Variants in LRRC72 observed in about 807,000 individuals in gnomAD.
LRRC72 encodes the protein leucine-rich repeat-containing protein 72.
LRRC72 carries 41 observed loss-of-function variants against 35.8 expected under a neutral mutation model. The observed-to-expected ratio is 1.15, with a 90% CI of 0.89 to 1.49. The LOEUF (loss-of-function observed/expected upper bound fraction) is 1.49. Among genes scored for constraint, LRRC72 ranks in the 40% most tolerant of loss-of-function variants. The probability of loss-of-function intolerance (pLI) is 0.00; values close to 1 mark genes in which losing one functional copy is unlikely to be tolerated. For missense variants in LRRC72, 389 were observed against 330.7 expected, an observed-to-expected ratio of 1.18 and a Z score of -1.37; for synonymous variants, 118 against 119.2, an observed-to-expected ratio of 0.99 and a Z score of 0.07.
At position 16,543,416 on chromosome 7, in the gene LRRC72, AT is replaced by A. The variant is rs897298605; in HGVS notation, c.234+5728del. Among the ~76,000 whole-genome samples, 113 of 152,154 alleles carry A rather than the reference AT, an allele frequency of 7.4e-4. 1 individual carries two copies. Among genetic ancestry groups the A allele is most frequent in the Admixed American group, 1.2e-3 (19 of 15,278 alleles). Reference sequence around the variant, plus strand: ...AAAAGGAGAAAAATAAAGGGAATGCATTTTTTTTGTTTATTCACTTATTCAA... The same window carrying A: ...AAAAGGAGAAAAATAAAGGGAATGCATTTTTTTGTTTATTCACTTATTCAA... On this transcript the variant is annotated intron_variant, in intron 3 of 8. Transcript: ENST00000401542.
At position 16,537,674 on chromosome 7, in the gene LRRC72, A is replaced by G. The variant is rs1183715645; in HGVS notation, c.212A>G (p.Tyr71Cys). Reference sequence around the variant, plus strand: ...CTTTCTAGGTTTAAAAAATTAAAATACTTATGGCTTCATCATAACAAGGTA... The same window carrying G: ...CTTTCTAGGTTTAAAAAATTAAAATGCTTATGGCTTCATCATAACAAGGTA... ...IDLSRFKKLK[Y>C]LWLHHNKLHG... Residue 71 changes from tyrosine (Y) to cysteine (C), a missense_variant, in exon 3 of 9, where the codon TAC (tyrosine) becomes TGC (cysteine). Coordinates refer to ENST00000401542, the MANE Select transcript of LRRC72 (RefSeq NM_001195280.2). 1 of 1,521,412 alleles carries G rather than the reference A, an allele frequency of 6.6e-7. No individual in the cohort carries two copies. Among genetic ancestry groups the G allele is most frequent in the African/African-American group, 1.4e-5 (1 of 71,976 alleles). 94.2% of individuals were successfully genotyped at this position (1,521,412 alleles called of 1,614,324 possible).
chr7:16,566,297 G>A lies in LRRC72; in HGVS notation c.428-16G>A. ...TTTGAAATCTGACATTTTTATTTTG[G>A]ATTCTTCATTTGCAGGTCTATACCA... On this transcript the variant is annotated splice_polypyrimidine_tract_variant and intron_variant, in intron 5 of 8. Coordinates refer to ENST00000401542, the MANE Select transcript of LRRC72 (RefSeq NM_001195280.2). 1.4e-6 allele frequency: 2 copies of A among 1,457,220 alleles called. No homozygotes were observed. Among genetic ancestry groups the A allele is most frequent in the Non-Finnish European group, 1.8e-6 (2 of 1,089,400 alleles). The allele number at this position is 1,457,220 out of a possible 1,614,324, so 90.3% of individuals were successfully genotyped here.
intron 7 of LRRC72, among the ~76,000 whole-genome samples, chr7:16,575,088 C>G (rs1408647813): frequency 7.1e-6 from 1 of 140,068 alleles, no homozygotes. Context: ...GCACTTTAGC[C>G]TGCGTGACAG....
chr7:16,567,453 G>T lies in LRRC72; in HGVS notation c.580G>T (p.Val194Phe), dbSNP rs767482481. Residue 194 changes from valine (V) to phenylalanine (F), a missense_variant, in exon 7 of 9, where the codon GTT (valine) becomes TTT (phenylalanine). Physicochemically the swap from Val to Phe is conservative, Grantham distance 50. Transcript: ENST00000401542. The stretch of plus-strand genomic sequence containing the variant: ...TTTTAACCATAAAAAGGCTCATATC[G>T]TTCAATCAATAGCATTCGGAGGAAA... ...TIFNHKKAHIVQSIAFGGKVD... is the reference protein window; with the variant it reads ...TIFNHKKAHIFQSIAFGGKVD... 87 of 1,526,172 alleles carry T rather than the reference G, an allele frequency of 5.7e-5. No individual in the cohort carries two copies. Among genetic ancestry groups the T allele is most frequent in the Non-Finnish European group, 1.5e-5 (17 of 1,136,096 alleles). The allele number at this position is 1,526,172 out of a possible 1,614,324, so 94.5% of individuals were successfully genotyped here. A position where few individuals can be genotyped will look rare whatever the true frequency, so the allele number is the denominator to read the frequency against.
chr7:16,580,749 T>TA lies in LRRC72; in HGVS notation c.699-574dup, dbSNP rs148126038. ...TCTAAATATGTTCAGTCATAGCAGT[T>TA]ATCATGTAGATTAACATTTTATATT... On this transcript the variant is annotated intron_variant, in intron 8 of 8. Transcript: ENST00000401542. 9.6e-3 allele frequency among the ~76,000 whole-genome samples: 1,458 copies of TA among 152,362 alleles called. 24 individuals carry two copies. Among genetic ancestry groups the TA allele is most frequent in the African/African-American group, 0.032 (1,350 of 41,580 alleles).
At chr7:16,531,617 T>C (rs1308172123) in intron 1 of LRRC72, among the ~76,000 whole-genome samples, 3 of 152,214 alleles carry the variant, frequency 2.0e-5, no homozygotes, top group Non-Finnish European at 4.4e-5. Flanking sequence ...ACTCTGATAA[T>C]TACAATGTTT....
chr7:16,569,705 G>GGAATA (rs60206729), intron 7 of LRRC72, among the ~76,000 whole-genome samples: 1 of 44,498 alleles, frequency 2.2e-5, no homozygotes, highest in Non-Finnish European at 5.2e-5. Flanking sequence ...GTGCAAGAGA[G>GGAATA]GAAGGGAAGG....
chr7:16,554,193 G>A (rs1283698546), intron 3 of LRRC72, among the ~76,000 whole-genome samples: 5 of 152,250 alleles, frequency 3.3e-5, no homozygotes, highest in East Asian at 3.9e-4. Context: ...AGCTGGGTGC[G>A]GTGGCACACG....
At chr7:16,528,586 C>T (rs7807252) in intron 1 of LRRC72, among the ~76,000 whole-genome samples, 13,939 of 152,110 alleles carry the variant, frequency 0.092, 742 homozygotes, top group East Asian at 0.2. Flanking sequence ...CTGTTCACTG[C>T]TCACTCACAC....
At position 16,567,475 on chromosome 7, in the gene LRRC72, GA is replaced by G; in HGVS notation, c.606del (p.Val203TrpfsTer29). On this transcript the variant is annotated frameshift_variant, in exon 7 of 9. Transcript: ENST00000401542. LOFTEE classifies it high-confidence loss of function. Reference protein sequence around the residue: ...AHIVQSIAFGGKVDASWDPKS... With the variant: ...AHIVQSIAFGXKVDASWDPKS... The stretch of plus-strand genomic sequence containing the variant: ...ATCGTTCAATCAATAGCATTCGGAG[GA>G]AAAGTGGATGCTTCATGGGATCCTA... The G allele has an allele frequency of 6.6e-7, 1 of 1,522,560 alleles. No homozygotes were observed. Among genetic ancestry groups the G allele is most frequent in the Non-Finnish European group, 8.8e-7 (1 of 1,133,592 alleles). The allele number at this position is 1,522,560 out of a possible 1,614,324, so 94.3% of individuals were successfully genotyped here. A position where few individuals can be genotyped will look rare whatever the true frequency, so the allele number is the denominator to read the frequency against.
At chr7:16,558,511 G>C (rs1241164018) in intron 4 of LRRC72, among the ~76,000 whole-genome samples, 2 of 152,102 alleles carry the variant, frequency 1.3e-5, no homozygotes, top group Non-Finnish European at 2.9e-5. Context: ...GTGGGAGGCT[G>C]AGGCAGGAGA....
intron 7 of LRRC72, among the ~76,000 whole-genome samples, chr7:16,574,061 A>G (rs935900526): frequency 6.6e-6 from 1 of 152,250 alleles, no homozygotes; most frequent in Non-Finnish European, 1.5e-5. Flanking sequence ...GCTCATCATC[A>G]CTGGTTATTA....
chr7:16,577,574 A>G (rs1385305147), intron 7 of LRRC72, among the ~76,000 whole-genome samples: 2 of 152,208 alleles, frequency 1.3e-5, no homozygotes, highest in East Asian at 3.9e-4. Flanking sequence ...AATATGTACA[A>G]CTAGTATGTA....
At chr7:16,552,010 C>G (rs778743880) in intron 3 of LRRC72, among the ~76,000 whole-genome samples, 4 of 152,160 alleles carry the variant, frequency 2.6e-5, no homozygotes, top group Non-Finnish European at 4.4e-5. Context: ...AGAAATTCAA[C>G]TGGAGGACAC....
At position 16,567,783 on chromosome 7, in the gene LRRC72, A is replaced by G. The variant is rs541756645; in HGVS notation, c.670+240A>G. ...TAAATGGGGTGCTGTGATAATAACG[A>G]GATAATACATTGAAGCCTCTATCCC... On this transcript the variant is annotated intron_variant, in intron 7 of 8. Transcript: ENST00000401542. 5.3e-5 allele frequency among the ~76,000 whole-genome samples: 8 copies of G among 152,148 alleles called. No homozygotes were observed. In the South Asian group the frequency reaches 1.4e-3, roughly 28 times the overall value.
At chr7:16,559,256 T>G (rs1303095709) in intron 5 of LRRC72, among the ~76,000 whole-genome samples, 1 of 151,936 alleles carries the variant, frequency 6.6e-6, no homozygotes, top group Non-Finnish European at 1.5e-5. Flanking sequence ...TAGCCAGGCC[T>G]GGTGGCGTAT....
At chr7:16,550,980 C>G (rs1185530178) in intron 3 of LRRC72, among the ~76,000 whole-genome samples, 8 of 152,156 alleles carry the variant, frequency 5.3e-5, no homozygotes, top group Admixed American at 5.2e-4. Context: ...TTGTTAGGAA[C>G]TGAATTGTGT....
Position 16,537,571 on chromosome 7 carries a change from C to T in LRRC72, c.165-56C>T, listed in dbSNP as rs142787188. On this transcript the variant is annotated intron_variant, in intron 2 of 8. Coordinates refer to ENST00000401542, the MANE Select transcript of LRRC72 (RefSeq NM_001195280.2). ...AAGCCATACTAACTACATGCCCAGA[C>T]TTACCTATGTGTGAACTAATTGTTG... is the stretch of plus-strand genomic sequence containing the variant. 1,324 of 1,091,368 alleles carry T rather than the reference C, an allele frequency of 1.2e-3. 10 individuals carry two copies. The African/African-American group carries it at 0.018, about 15-fold the overall frequency. 67.6% of individuals were successfully genotyped at this position (1,091,368 alleles called of 1,614,324 possible). A position where few individuals can be genotyped will look rare whatever the true frequency, so the allele number is the denominator to read the frequency against.
At chr7:16,552,454 C>G (rs191698964) in intron 3 of LRRC72, among the ~76,000 whole-genome samples, 1 of 152,040 alleles carries the variant, frequency 6.6e-6, no homozygotes, top group East Asian at 1.9e-4. Flanking sequence ...TAAGAAGATG[C>G]CAGGAGGAGA....
Sources: gnomAD v4.1 joint callset for allele counts (sites outside exome capture counted in the v4.1 genomes callset) on GRCh38, gnomAD v4.1.1 for gene constraint, MANE v1.5 for transcripts, NCBI Gene and HGNC (gene_info 2026-07-23, HGNC 2026-07-21) for gene names.